Variants in IQCE observed in about 807,000 individuals in gnomAD.
The protein encoded by IQCE is IQ domain-containing protein E.
In IQCE, 115 loss-of-function variants were observed where a neutral mutation model predicts 96.0. The observed-to-expected ratio is 1.20, with a 90% CI of 1.03 to 1.40. The LOEUF is 1.40. IQCE is among the 40% of genes most tolerant of loss of function. IQCE has a pLI of 0.00. For missense variants in IQCE, 1,041 were observed against 909.1 expected (o/e 1.15, Z -1.87); for synonymous variants, 412 against 371.2 (o/e 1.11, Z -1.26).
intron 9 of IQCE, 109 bp downstream of exon 9, chr7:2,582,759 C>G: frequency 1.1e-6 from 1 of 909,994 alleles, no homozygotes; most frequent in Non-Finnish European, 1.7e-6. Context: ...ACTCCCAGCC[C>G]AAAGCCGAAG....
intron 12 of IQCE, 143 bp downstream of exon 12, chr7:2,586,514 C>T (rs1237164992): frequency 9.2e-6 from 8 of 872,882 alleles, no homozygotes; most frequent in African/African-American, 1.7e-5. Context: ...CCACATGTGC[C>T]AGCACCTGCC....
intron 4 of IQCE, 84 bp from the exon 5 acceptor site, chr7:2,572,108 A>C (rs899928870): frequency 4.7e-5 from 67 of 1,436,270 alleles, no homozygotes; most frequent in Non-Finnish European, 6.0e-5. Context: ...AGCTTTCTTC[A>C]ATCCAGGAAA....
intron 1 of IQCE, 80 bp from the exon 2 acceptor site, chr7:2,567,036 C>A: frequency 8.5e-7 from 1 of 1,175,926 alleles, no homozygotes; most frequent in Non-Finnish European, 1.3e-6. Context: ...TGTGGACGGG[C>A]TGTTTTCGCT....
intron 1 of IQCE, among the ~76,000 whole-genome samples, chr7:2,563,411 G>GTGTGTGTGTA (rs773616723): frequency 2.5e-4 from 37 of 148,706 alleles, no homozygotes; most frequent in African/African-American, 9.2e-4. Context: ...GTGTGTGTGT[G>GTGTGTGTGTA]TACAGGGTTT....
intron 3 of IQCE, 160 bp from the exon 4 acceptor site, chr7:2,571,366 A>G (rs1041327135): frequency 1.3e-5 from 11 of 829,228 alleles, no homozygotes; most frequent in South Asian, 6.0e-5. Flanking sequence ...AAATGTCAGT[A>G]TATAGGTAAA....
At chr7:2,594,465 C>T (rs1050686912) in intron 15 of IQCE, among the ~76,000 whole-genome samples, 2 of 152,248 alleles carry the variant, frequency 1.3e-5, no homozygotes, top group East Asian at 3.8e-4. Flanking sequence ...TCAGTGGTCC[C>T]TGCTTATTTA....
At chr7:2,565,278 A>G (rs1562618523) in intron 1 of IQCE, among the ~76,000 whole-genome samples, 1 of 151,008 alleles carries the variant, frequency 6.6e-6, no homozygotes, top group Admixed American at 6.6e-5. Context: ...TGCGCTGTGT[A>G]TGATTGTATT....
chr7:2,582,803 T>C (rs1292116943), intron 9 of IQCE, among the ~76,000 whole-genome samples, 153 bp downstream of exon 9: 1 of 152,214 alleles, frequency 6.6e-6, no homozygotes, highest in Non-Finnish European at 1.5e-5. Context: ...AATTTTTTTA[T>C]TGTCTTTGTT....
intron 18 of IQCE, among the ~76,000 whole-genome samples, chr7:2,604,546 C>T (rs114254079): frequency 0.011 from 1,663 of 152,268 alleles, 38 homozygotes; most frequent in African/African-American, 0.038. Flanking sequence ...CCTGAAAAAA[C>T]GCTCCAACAT....
chr7:2,604,851 C>T (rs1562681507), intron 18 of IQCE, 30 bp from the exon 19 acceptor site: 7 of 1,585,934 alleles, frequency 4.4e-6, no homozygotes, highest in South Asian at 1.1e-5. Flanking sequence ...CTCACACCCA[C>T]TTTTCTCTCC....
intron 11 of IQCE, 122 bp downstream of exon 11, chr7:2,584,407 A>G: frequency 2.3e-6 from 2 of 879,358 alleles, no homozygotes; most frequent in South Asian, 2.6e-5. Flanking sequence ...CAGTGCTGCC[A>G]ACACTGCACC....
chr7:2,569,115 T>TGGGAATGGGGCCAACTGGC, intron 3 of IQCE, 116 bp downstream of exon 3: 1 of 963,096 alleles, frequency 1.0e-6, no homozygotes, highest in Non-Finnish European at 1.6e-6. Flanking sequence ...CCTCAGCCAG[T>TGGGAATGGGGCCAACTGGC]TGGCCCCATT....
intron 8 of IQCE, 37 bp from the exon 9 acceptor site, chr7:2,582,543 G>C (rs748745262): frequency 1.3e-6 from 2 of 1,590,878 alleles, no homozygotes; most frequent in African/African-American, 1.3e-5. Context: ...GAGGGAGAGA[G>C]GGCGTGGCCT....
chr7:2,596,540 G>C (rs1784055633), intron 16 of IQCE, among the ~76,000 whole-genome samples: 1 of 152,090 alleles, frequency 6.6e-6, no homozygotes, highest in Admixed American at 6.6e-5. Flanking sequence ...TGAGTGATCA[G>C]CTCTCCAAGT....
At chr7:2,582,679 G>C (rs1307749719) in intron 9 of IQCE, 29 bp downstream of exon 9, 1 of 1,599,316 alleles carries the variant, frequency 6.3e-7, no homozygotes, top group Admixed American at 1.7e-5. Context: ...CCTCTCCCCT[G>C]CCTTCCGCCC....
At position 2,610,525 on chromosome 7, in the gene IQCE, C is replaced by T. The variant is rs971571536; in HGVS notation, c.*363C>T. 8.3e-5 allele frequency: 17 copies of T among 205,186 alleles called. No individual in the cohort carries two copies. Among genetic ancestry groups the T allele is most frequent in the South Asian group, 2.9e-4 (4 of 13,600 alleles). The allele number at this position is 205,186 out of a possible 1,614,324, so 12.7% of individuals were successfully genotyped here. ...ACCTTGACCGTGAGGAGCTGCTATC[C>T]GCAACCAGCGCCGACACCATGCCCC... On this transcript the variant is annotated 3_prime_UTR_variant, in exon 22 of 22. Transcript: ENST00000402050.
Position 2,578,471 on chromosome 7 carries a change from C to T in IQCE, c.580-5C>T. On this transcript the variant is annotated splice_polypyrimidine_tract_variant and splice_region_variant and intron_variant, in intron 7 of 21. Transcript: ENST00000402050. The stretch of plus-strand genomic sequence containing the variant: ...CGTCTTCATGTCTCAATCTGCTTAC[C>T]ACAGGGCACGGATTTTGTTCGGACT... The T allele has an allele frequency of 6.2e-7, 1 of 1,614,184 alleles. No homozygotes were observed. Among genetic ancestry groups the T allele is most frequent in the South Asian group, 1.1e-5 (1 of 91,090 alleles).
chr7:2,593,007 T>C lies in IQCE; in HGVS notation c.1245-15T>C. ...TTTTTGTGAACGCTGACGAGTCTCCTATTCTTGTGTGCAGTTTGGAGGTGA... is the reference window on the plus strand; with the variant it reads ...TTTTTGTGAACGCTGACGAGTCTCCCATTCTTGTGTGCAGTTTGGAGGTGA... On this transcript the variant is annotated splice_polypyrimidine_tract_variant and intron_variant, in intron 14 of 21. Coordinates refer to ENST00000402050, the MANE Select transcript of IQCE (RefSeq NM_152558.5). 6.3e-7 allele frequency: 1 copy of C among 1,588,616 alleles called. No individual in the cohort carries two copies. The highest frequency in any genetic ancestry group is 8.6e-7 in the Non-Finnish European group (1 of 1,162,432).
intron 12 of IQCE, among the ~76,000 whole-genome samples, chr7:2,587,496 G>A (rs1033365783): frequency 2.6e-5 from 4 of 152,158 alleles, no homozygotes; most frequent in African/African-American, 9.7e-5. Flanking sequence ...GCTGAGAACC[G>A]ATTGTTGGAT....
Sources: gnomAD v4.1 joint callset for allele counts (sites outside exome capture counted in the v4.1 genomes callset) on GRCh38, gnomAD v4.1.1 for gene constraint, MANE v1.5 for transcripts, NCBI Gene and HGNC (gene_info 2026-07-23, HGNC 2026-07-21) for gene names.